The following GTF3C2 variants were observed in gnomAD, a reference collection of about 807,000 sequenced individuals.
GTF3C2 encodes general transcription factor 3C polypeptide 2.
GTF3C2 carries 17 observed loss-of-function variants against 117.4 expected under a neutral mutation model. That is an observed-to-expected ratio of 0.14 (90% confidence interval 0.10 to 0.22). The LOEUF (loss-of-function observed/expected upper bound fraction) is 0.22. Among genes scored for constraint, GTF3C2 ranks in the 10% least tolerant of loss-of-function variants. The pLI is 1.00. For missense variants in GTF3C2, 888 were observed against 1,143.6 expected (o/e 0.78, Z 3.22); for synonymous variants, 437 against 427.0 (o/e 1.02, Z -0.29).
chr2:27,348,764 G>A (rs1317375060), intron 1 of GTF3C2, among the ~76,000 whole-genome samples: 2 of 152,202 alleles, frequency 1.3e-5, no homozygotes, highest in East Asian at 3.9e-4. Flanking sequence ...CTGCATCCCA[G>A]CCTGGGCAGA....
intron 12 of GTF3C2, 144 bp downstream of exon 12, chr2:27,333,506 TATTTC>T: frequency 1.6e-6 from 1 of 611,346 alleles, no homozygotes; most frequent in Non-Finnish European, 2.9e-6. Flanking sequence ...TCTAGTGACT[TATTTC>T]TTTCTATTTT....
In GTF3C2 at chr2:27,328,266, A is replaced by G. The variant is rs185098129; in HGVS notation, c.2257-77T>C. The G allele has an allele frequency of 2.7e-4, 332 of 1,231,700 alleles. 1 individual carries two copies. The East Asian group carries it at 5.7e-3, about 21-fold the overall frequency. 76.3% of individuals were successfully genotyped at this position (1,231,700 alleles called of 1,614,324 possible). ...AGCAGAGGAAAGTGGTTTGGGCAGGAAAGGCTTAAAGATGGAAAAAAGTAG... is the reference window on the plus strand; with the variant it reads ...AGCAGAGGAAAGTGGTTTGGGCAGGGAAGGCTTAAAGATGGAAAAAAGTAG... On this transcript the variant is annotated intron_variant, in intron 16 of 18. Coordinates refer to ENST00000264720, the Ensembl canonical transcript of GTF3C2.
chr2:27,335,691 G>A, exon 10 of GTF3C2: 1 of 1,560,008 alleles, frequency 6.4e-7, no homozygotes, highest in Non-Finnish European at 8.7e-7. Flanking sequence ...AGACCCAACC[G>A]GGGCAGGAGA....
intron 1 of GTF3C2, among the ~76,000 whole-genome samples, chr2:27,348,035 C>A (rs896120522): frequency 6.6e-6 from 1 of 152,152 alleles, no homozygotes; most frequent in African/African-American, 2.4e-5. Flanking sequence ...CTTTAGGAGG[C>A]CCGGACGGGC....
intron 4 of GTF3C2, among the ~76,000 whole-genome samples, chr2:27,338,695 C>G (rs1190282771): frequency 2.0e-5 from 3 of 152,042 alleles, no homozygotes; most frequent in Non-Finnish European, 4.4e-5. Context: ...CCCCACTACA[C>G]CTGGCTAATT....
At chr2:27,325,863 C>A in exon 19 of GTF3C2, 2 of 179,050 alleles carry the variant, frequency 1.1e-5, no homozygotes, top group South Asian at 1.1e-4. Context: ...GTTGAAGTAA[C>A]TGAAGATATT....
At chr2:27,331,765 C>G (rs920971976) in intron 12 of GTF3C2, among the ~76,000 whole-genome samples, 5 of 151,902 alleles carry the variant, frequency 3.3e-5, no homozygotes, top group Non-Finnish European at 5.9e-5. Flanking sequence ...ATGGCGAAAC[C>G]CCGTCTCTAC....
In GTF3C2 at chr2:27,329,418, T is replaced by G; in HGVS notation, c.1838A>C (p.Asp613Ala). The change falls in exon 13 of 19, where the codon GAC becomes GCC. Residue 613 changes from aspartate (D) to alanine (A), a missense_variant. By Grantham distance (126) the Asp-to-Ala change is moderately radical. This residue lies in a region of GTF3C2 where 277 missense variants were observed against 445.4 expected (regional missense o/e 0.62). Transcript: ENST00000264720. The surrounding 1 kb of genome is among the most constrained non-coding windows in gnomAD (Gnocchi z 4.5). ...CCATTGAAGGGTACGCACAGCCTGG[T>G]CATGGGCTAGGAAACACTGGAAGGG... 6.2e-7 allele frequency: 1 copy of G among 1,614,064 alleles called. No homozygotes were observed. Among genetic ancestry groups the G allele is most frequent in the South Asian group, 1.1e-5 (1 of 91,076 alleles).
At chr2:27,356,274 G>A (rs574486719) in intron 1 of GTF3C2, 4 of 410,502 alleles carry the variant, frequency 9.7e-6, no homozygotes, top group East Asian at 1.4e-4. Flanking sequence ...GAGCCTCCTC[G>A]AGGAAGAGGC....
chr2:27,342,226 G>C (rs1481891254), exon 4 of GTF3C2: 5 of 1,608,174 alleles, frequency 3.1e-6, no homozygotes, highest in Admixed American at 1.7e-5. Flanking sequence ...TGAAGATACA[G>C]AAGTGCCCTG....
At chr2:27,326,325 G>T in exon 19 of GTF3C2, 1 of 456,962 alleles carries the variant, frequency 2.2e-6, no homozygotes, top group Non-Finnish European at 4.3e-6. Context: ...TTCACAAGTG[G>T]TCACAAAAAC....
intron 12 of GTF3C2, among the ~76,000 whole-genome samples, chr2:27,330,054 C>T (rs1474151574): frequency 6.8e-6 from 1 of 146,416 alleles, no homozygotes; most frequent in African/African-American, 2.6e-5. Context: ...GCTAAAGCAG[C>T]AGAATCGCTT....
chr2:27,343,727 T>C (rs1680825588), intron 1 of GTF3C2, 149 bp from the exon 2 acceptor site: 1 of 650,900 alleles, frequency 1.5e-6, no homozygotes, highest in Admixed American at 2.9e-5. Flanking sequence ...CTAAGCACCT[T>C]CTATATGTCA....
In GTF3C2 at chr2:27,326,701, T is replaced by C. The variant is rs772804342; in HGVS notation, c.2710A>G (p.Ser904Gly). 1.2e-6 allele frequency: 2 copies of C among 1,613,972 alleles called. No homozygotes were observed. Among genetic ancestry groups the C allele is most frequent in the Admixed American group, 1.7e-5 (1 of 60,006 alleles). Residue 904 changes from serine (S) to glycine (G), a missense_variant, in exon 19 of 19, where the codon AGC becomes GGC. By Grantham distance (56) the Ser-to-Gly change is moderately conservative. This residue lies in a region of GTF3C2 where 53 missense variants were observed against 43.6 expected (regional missense o/e 1.22). Coordinates refer to ENST00000264720, the Ensembl canonical transcript of GTF3C2. ...TAGGGAGTGGGCAGAAGGCGATGGCTGGTTGGAGAGAAGCCAGGCCGTCTA... is the reference window on the plus strand; with the variant it reads ...TAGGGAGTGGGCAGAAGGCGATGGCCGGTTGGAGAGAAGCCAGGCCGTCTA...
At chr2:27,346,350 T>C (rs1680916608) in intron 1 of GTF3C2, among the ~76,000 whole-genome samples, 1 of 101,720 alleles carries the variant, frequency 9.8e-6, no homozygotes, top group African/African-American at 4.7e-5. Context: ...TTTTTTTTTT[T>C]TTTTTTTTTT....
At chr2:27,328,534 A>G (rs774538317) in exon 16 of GTF3C2, 1 of 1,610,334 alleles carries the variant, frequency 6.2e-7, no homozygotes, top group Admixed American at 1.7e-5. Flanking sequence ...ATATAGCAGC[A>G]ATGAGCTCCC....
chr2:27,330,024 T>A (rs1394670581), intron 12 of GTF3C2, among the ~76,000 whole-genome samples: 1 of 149,642 alleles, frequency 6.7e-6, no homozygotes, highest in Admixed American at 6.8e-5. Flanking sequence ...TGGGTGTCTG[T>A]AATCCCAGCT....
chr2:27,343,400 G>A (rs574575739), exon 2 of GTF3C2: 1 of 1,613,664 alleles, frequency 6.2e-7, no homozygotes, highest in Non-Finnish European at 8.5e-7. Flanking sequence ...GGTAGGTAAT[G>A]ACATCTCTAC....
chr2:27,344,877 T>A (rs928414493), intron 1 of GTF3C2, among the ~76,000 whole-genome samples: 1 of 152,000 alleles, frequency 6.6e-6, no homozygotes, highest in Non-Finnish European at 1.5e-5. Flanking sequence ...CCCAGCTACT[T>A]GGAAGGCTGA....
Sources: gnomAD v4.1 joint callset for allele counts (sites outside exome capture counted in the v4.1 genomes callset) on GRCh38, gnomAD v4.1.1 for gene constraint, gnomAD v4.1.1 regional missense constraint, Gnocchi (gnomAD v3.1) non-coding constraint, MANE v1.5 for transcripts, NCBI Gene and HGNC (gene_info 2026-07-23, HGNC 2026-07-21) for gene names.